Variants in KSR2 observed in about 807,000 individuals in gnomAD.
KSR2 encodes kinase suppressor of ras 2.
KSR2 carries 25 observed loss-of-function variants against 107.8 expected under a neutral mutation model. That is an observed-to-expected ratio of 0.23 (90% CI 0.17 to 0.32). The LOEUF (loss-of-function observed/expected upper bound fraction) is 0.32. Ranked by LOEUF, KSR2 falls within the 10% of genes least tolerant of loss-of-function variation. KSR2 has a pLI of 1.00. For synonymous variants in KSR2, 480 were observed against 507.0 expected, an observed-to-expected ratio of 0.95 and a Z score of 0.71; for missense variants, 887 against 1,268.9, an observed-to-expected ratio of 0.70 and a Z score of 4.57.
intron 5 of KSR2, among the ~76,000 whole-genome samples, chr12:117,622,203 T>C (rs1474356291): frequency 6.6e-6 from 1 of 152,116 alleles, no homozygotes; most frequent in African/African-American, 2.4e-5. Flanking sequence ...TTTTTTTTGT[T>C]TAAGTATGGT....
chr12:117,757,059 A>AG (rs1565997818), intron 4 of KSR2, among the ~76,000 whole-genome samples: 2 of 151,810 alleles, frequency 1.3e-5, no homozygotes, highest in Non-Finnish European at 2.9e-5. Flanking sequence ...CATCTCAAAA[A>AG]AAAAAAAAAA....
At chr12:117,779,400 T>G (rs1455939993) in intron 3 of KSR2, among the ~76,000 whole-genome samples, 1 of 152,214 alleles carries the variant, frequency 6.6e-6, no homozygotes, top group East Asian at 1.9e-4. Context: ...GGTAAATTTC[T>G]TAACCTCTCT....
At chr12:117,795,863 A>C (rs1303562142) in intron 3 of KSR2, among the ~76,000 whole-genome samples, 1 of 152,112 alleles carries the variant, frequency 6.6e-6, no homozygotes, top group African/African-American at 2.4e-5. Context: ...CTCCTGCCTC[A>C]GCCTCCCAAA....
At chr12:117,839,383 C>T (rs980670016) in intron 3 of KSR2, among the ~76,000 whole-genome samples, 2 of 152,192 alleles carry the variant, frequency 1.3e-5, no homozygotes, top group South Asian at 2.1e-4. Flanking sequence ...GCCATGTGAC[C>T]TTGGTTGGGT....
intron 1 of KSR2, among the ~76,000 whole-genome samples, chr12:117,963,318 G>A (rs1204196130): frequency 5.3e-5 from 8 of 152,170 alleles, no homozygotes; most frequent in Non-Finnish European, 1.0e-4. Context: ...TTTACTATCT[G>A]TCCCTTTCCA....
chr12:117,816,457 G>T (rs553043452), intron 3 of KSR2, among the ~76,000 whole-genome samples: 4 of 152,270 alleles, frequency 2.6e-5, no homozygotes, highest in African/African-American at 9.6e-5. Flanking sequence ...TAAGAAAAAG[G>T]TTACTGTTTA....
At chr12:117,506,353 C>CT (rs796349063) in intron 14 of KSR2, among the ~76,000 whole-genome samples, 49 of 152,322 alleles carry the variant, frequency 3.2e-4, no homozygotes, top group African/African-American at 1.0e-3. Context: ...TGTTAATACT[C>CT]TTTTGGCAGC....
intron 5 of KSR2, among the ~76,000 whole-genome samples, chr12:117,620,789 C>T (rs187778856): frequency 1.6e-3 from 238 of 152,234 alleles, no homozygotes; most frequent in Admixed American, 3.1e-3. Context: ...TTTCTGATTA[C>T]GCCATTCCTA....
chr12:117,753,106 T>G (rs953557783), intron 4 of KSR2, among the ~76,000 whole-genome samples: 1 of 152,266 alleles, frequency 6.6e-6, no homozygotes, highest in Admixed American at 6.5e-5. Flanking sequence ...AGAGGGATTC[T>G]TGATAACTCT....
rs1462509216 is a variant in KSR2, at chr12:117,458,131, A to G, written c.*9068T>C. 6.6e-6 allele frequency: 1 copy of G among 152,212 alleles called. No individual in the cohort carries two copies. The highest frequency in any genetic ancestry group is 1.9e-4 in the East Asian group (1 of 5,184). The allele number at this position is 152,212 out of a possible 1,614,324, so 9.4% of individuals were successfully genotyped here. A position where few individuals can be genotyped will look rare whatever the true frequency, so the allele number is the denominator to read the frequency against. On this transcript the variant is annotated 3_prime_UTR_variant, in exon 20 of 20. Transcript: ENST00000339824. ...ACACATAGTAGATGCTCAACAAATC[A>G]CCCACTGAATGAATGGTTGGTGAAG...
At chr12:117,860,151 C>A in intron 2 of KSR2, 140 bp downstream of exon 2, 1 of 814,110 alleles carries the variant, frequency 1.2e-6, no homozygotes, top group South Asian at 2.1e-5. Context: ...TGAATGTTTT[C>A]GTCCAGCACA....
chr12:117,638,659 C>A (rs1300171800), intron 5 of KSR2, among the ~76,000 whole-genome samples: 1 of 152,222 alleles, frequency 6.6e-6, no homozygotes, highest in African/African-American at 2.4e-5. Context: ...GTCAAACAAA[C>A]TCAGGATGAT....
rs1406413006 is a variant in KSR2 at position 117,454,750 on chromosome 12, C to T, written c.*12449G>A. 6.6e-6 allele frequency: 1 copy of T among 152,114 alleles called. No individual in the cohort carries two copies. Among genetic ancestry groups the T allele is most frequent in the African/African-American group, 2.4e-5 (1 of 41,408 alleles). The allele number at this position is 152,114 out of a possible 1,614,324, so 9.4% of individuals were successfully genotyped here. On this transcript the variant is annotated 3_prime_UTR_variant, in exon 20 of 20. Coordinates refer to ENST00000339824, the MANE Select transcript of KSR2 (RefSeq NM_173598.6). ...TATTCATAGAGTGATATGAACTGTC[C>T]CAGAAAGAGGTTTTTTGCTGAAGAA...
chr12:117,595,763 C>T (rs1880608398), intron 5 of KSR2, among the ~76,000 whole-genome samples: 1 of 152,188 alleles, frequency 6.6e-6, no homozygotes, highest in Non-Finnish European at 1.5e-5. Context: ...AAGGCCACCT[C>T]ATTAAAATCT....
intron 3 of KSR2, among the ~76,000 whole-genome samples, chr12:117,794,938 CT>C (rs1178869216): frequency 1.3e-5 from 2 of 152,194 alleles, no homozygotes; most frequent in Non-Finnish European, 2.9e-5. Flanking sequence ...AAGAGACAGC[CT>C]AACTACAGTA....
chr12:117,925,123 C>A (rs1423638640), intron 1 of KSR2, among the ~76,000 whole-genome samples: 4 of 150,596 alleles, frequency 2.7e-5, no homozygotes, highest in African/African-American at 9.7e-5. Context: ...ACTATATTTT[C>A]TTTCTTTTTT....
chr12:117,873,530 G>A (rs542683668), intron 1 of KSR2, among the ~76,000 whole-genome samples: 12 of 137,410 alleles, frequency 8.7e-5, no homozygotes, highest in Non-Finnish European at 1.4e-4. Flanking sequence ...GCATGACCTC[G>A]GCTCACTGCA....
intron 3 of KSR2, among the ~76,000 whole-genome samples, chr12:117,828,938 T>C (rs981537564): frequency 1.3e-5 from 2 of 152,296 alleles, no homozygotes; most frequent in South Asian, 2.1e-4. Context: ...AAGGATGACA[T>C]GGTTCTGAAG....
intron 15 of KSR2, 114 bp downstream of exon 15, chr12:117,485,481 A>T: frequency 4.0e-6 from 3 of 748,200 alleles, no homozygotes; most frequent in South Asian, 1.6e-5. Flanking sequence ...TTAAGTCCAG[A>T]TTGGTAGTCT....
Sources: gnomAD v4.1 joint callset for allele counts (sites outside exome capture counted in the v4.1 genomes callset) on GRCh38, gnomAD v4.1.1 for gene constraint, MANE v1.5 for transcripts, NCBI Gene and HGNC (gene_info 2026-07-23, HGNC 2026-07-21) for gene names.